Variants in KIAA1217 observed in about 807,000 individuals in gnomAD.
The protein encoded by KIAA1217 is sickle tail protein homolog.
KIAA1217 carries 88 observed loss-of-function variants against 163.9 expected under a neutral mutation model. That is an observed-to-expected ratio of 0.54 (90% confidence interval 0.45 to 0.64). The LOEUF (loss-of-function observed/expected upper bound fraction) is 0.64, where lower values mean the gene tolerates loss of function less well. Ranked by LOEUF, KIAA1217 falls within the 30% of genes least tolerant of loss-of-function variation. The pLI is 0.00. For missense variants in KIAA1217, 2,372 were observed against 2,475.0 expected (o/e 0.96, Z 0.88); for synonymous variants, 903 against 923.1 (o/e 0.98, Z 0.39).
At chr10:23,846,686 A>G (rs1839046837) in intron 1 of KIAA1217, among the ~76,000 whole-genome samples, 1 of 152,152 alleles carries the variant, frequency 6.6e-6, no homozygotes, top group African/African-American at 2.4e-5. Context: ...GCAAACAGAG[A>G]CAATTTGACT....
intron 1 of KIAA1217, among the ~76,000 whole-genome samples, chr10:23,889,217 C>T (rs1362820187): frequency 1.3e-5 from 2 of 151,890 alleles, no homozygotes; most frequent in African/African-American, 2.4e-5. Flanking sequence ...ATAACTTTAC[C>T]AAAAAATTGC....
At chr10:24,123,164 T>G (rs1481149933) in intron 2 of KIAA1217, among the ~76,000 whole-genome samples, 1 of 118,688 alleles carries the variant, frequency 8.4e-6, no homozygotes, top group Non-Finnish European at 1.9e-5. Flanking sequence ...GTGTGTGTGA[T>G]AACAGGCATA....
intron 2 of KIAA1217, among the ~76,000 whole-genome samples, chr10:24,168,570 T>C (rs1365892130): frequency 6.6e-6 from 1 of 152,220 alleles, no homozygotes; most frequent in Non-Finnish European, 1.5e-5. Context: ...CGTGACCAGC[T>C]GAATGGCTGA....
chr10:23,775,670 G>C (rs1378075038), intron 1 of KIAA1217, among the ~76,000 whole-genome samples: 1 of 152,180 alleles, frequency 6.6e-6, no homozygotes. Flanking sequence ...GTTAATTCAA[G>C]ATATGAAACT....
intron 2 of KIAA1217, among the ~76,000 whole-genome samples, chr10:24,087,454 C>T (rs2061737479): frequency 6.6e-6 from 1 of 152,058 alleles, no homozygotes; most frequent in African/African-American, 2.4e-5. Context: ...TTTTAAAATT[C>T]TTAACTAGAG....
chr10:23,958,426 A>G (rs1564565778), intron 1 of KIAA1217, among the ~76,000 whole-genome samples: 2 of 152,196 alleles, frequency 1.3e-5, no homozygotes, highest in Admixed American at 1.3e-4. Flanking sequence ...AGTGCTTTAT[A>G]GGTGGGTAAG....
intron 1 of KIAA1217, among the ~76,000 whole-genome samples, chr10:23,877,750 A>G (rs941967396): frequency 1.3e-5 from 2 of 152,006 alleles, no homozygotes; most frequent in African/African-American, 4.8e-5. Context: ...ACACTTGAAT[A>G]TAAAATAGGC....
chr10:24,381,013 C>T lies in KIAA1217; in HGVS notation c.499C>T (p.Arg167Cys), dbSNP rs767544117. ...CCCTTTTTCCAGAGGCAGCCGGACT[C>T]GTGCGAGCCTTCCTGTGGTGAGGTC... is the stretch of plus-strand genomic sequence containing the variant. ...PTPFSRGSRT[R>C]ASLPVVRSTN... is the part of the protein sequence containing the mutation. Residue 167 changes from arginine (R) to cysteine (C), a missense_variant, in exon 3 of 21, where the codon CGT becomes TGT. Arg to Cys is a radical substitution (Grantham distance 180). Coordinates refer to ENST00000376454, the MANE Select transcript of KIAA1217 (RefSeq NM_019590.5). The T allele has an allele frequency of 2.5e-6, 4 of 1,607,106 alleles. No homozygotes were observed. The highest frequency in any genetic ancestry group is 1.7e-4 in the Middle Eastern group (1 of 6,034).
intron 2 of KIAA1217, among the ~76,000 whole-genome samples, chr10:24,326,876 T>C (rs1241271927): frequency 2.0e-5 from 3 of 152,216 alleles, no homozygotes; most frequent in African/African-American, 7.2e-5. Flanking sequence ...ACGAATGATA[T>C]GAAATTACTT....
intron 1 of KIAA1217, among the ~76,000 whole-genome samples, chr10:24,215,274 C>T (rs2068669330): frequency 6.6e-6 from 1 of 152,126 alleles, no homozygotes; most frequent in Non-Finnish European, 1.5e-5. Flanking sequence ...AGGAGTTGCC[C>T]TGGGCTCTGC....
intron 4 of KIAA1217, among the ~76,000 whole-genome samples, chr10:24,437,439 T>C (rs1260471426): frequency 6.6e-6 from 1 of 152,202 alleles, no homozygotes; most frequent in Non-Finnish European, 1.5e-5. Flanking sequence ...GTAATCCCAG[T>C]GATTGGGTCA....
chr10:23,877,071 GGTCCCTT>G (rs1840732004), intron 1 of KIAA1217, among the ~76,000 whole-genome samples: 1 of 151,844 alleles, frequency 6.6e-6, no homozygotes, highest in Non-Finnish European at 1.5e-5. Flanking sequence ...TCATTTCTAG[GGTCCCTT>G]TCAGCACACA....
intron 3 of KIAA1217, among the ~76,000 whole-genome samples, chr10:24,386,563 TTTTATTTATTTA>T (rs61345194): frequency 6.7e-6 from 1 of 150,262 alleles, no homozygotes; most frequent in Non-Finnish European, 1.5e-5. Context: ...AATAAATCTA[TTTTATTTATTTA>T]TTTATTTATT....
At chr10:23,922,170 C>A (rs1842875499) in intron 1 of KIAA1217, among the ~76,000 whole-genome samples, 1 of 152,044 alleles carries the variant, frequency 6.6e-6, no homozygotes, top group African/African-American at 2.4e-5. Context: ...CATAATGCAA[C>A]CTCTGTAGAA....
chr10:24,326,707 A>C (rs2133427142), intron 2 of KIAA1217, among the ~76,000 whole-genome samples: 1 of 152,246 alleles, frequency 6.6e-6, no homozygotes, highest in East Asian at 1.9e-4. Flanking sequence ...GGCTGTCCAC[A>C]AAAGGTTTGT....
chr10:24,234,264 A>T (rs1481330128), intron 2 of KIAA1217, among the ~76,000 whole-genome samples: 2 of 151,902 alleles, frequency 1.3e-5, no homozygotes, highest in Non-Finnish European at 2.9e-5. Flanking sequence ...CAAATATTCT[A>T]AAATCCAAAA....
chr10:23,706,740 T>A (rs74556868), intron 1 of KIAA1217, among the ~76,000 whole-genome samples: 8,768 of 152,206 alleles, frequency 0.058, 712 homozygotes, highest in African/African-American at 0.18. Context: ...CTGGTTTGAG[T>A]GTCAGGATAA....
intron 3 of KIAA1217, among the ~76,000 whole-genome samples, chr10:24,404,437 T>C (rs923430120): frequency 6.6e-6 from 1 of 151,866 alleles, no homozygotes; most frequent in Non-Finnish European, 1.5e-5. Flanking sequence ...CATGGTGGTG[T>C]GTGCCTATAA....
intron 2 of KIAA1217, among the ~76,000 whole-genome samples, chr10:24,380,240 G>A (rs1487054465): frequency 5.9e-5 from 9 of 151,964 alleles, no homozygotes; most frequent in East Asian, 1.9e-4. Flanking sequence ...AGAATTTGTC[G>A]GGCAAAAGGA....
Sources: gnomAD v4.1 joint callset for allele counts (sites outside exome capture counted in the v4.1 genomes callset) on GRCh38, gnomAD v4.1.1 for gene constraint, MANE v1.5 for transcripts, NCBI Gene and HGNC (gene_info 2026-07-23, HGNC 2026-07-21) for gene names.